PLCH2: variants seen among roughly 807,000 people sequenced by gnomAD.
The protein encoded by PLCH2 is phospholipase C eta 2.
Under a neutral mutation model 134.7 loss-of-function variants are expected in PLCH2, and 98 were observed. The observed-to-expected ratio is 0.73, with a 90% confidence interval of 0.62 to 0.86. PLCH2 has a LOEUF of 0.86. Among genes scored for constraint, PLCH2 ranks in the 40% least tolerant of loss-of-function variants. The probability of loss-of-function intolerance (pLI) is 0.00; values close to 1 mark genes in which losing one functional copy is unlikely to be tolerated. For missense variants in PLCH2, 1,994 were observed against 1,986.6 expected (o/e 1.00, Z -0.07); for synonymous variants, 974 against 827.5 (o/e 1.18, Z -3.04).
intron 11 of PLCH2, 136 bp from the exon 12 acceptor site, chr1:2,494,720 C>T (rs930666840): frequency 4.4e-6 from 3 of 676,340 alleles, no homozygotes; most frequent in Non-Finnish European, 8.1e-6. Context: ...CCCTCCCCTC[C>T]CGTCTGCCTT....
chr1:2,423,310 C>G (rs1362702941), upstream of PLCH2, among the ~76,000 whole-genome samples: 1 of 152,164 alleles, frequency 6.6e-6, no homozygotes, highest in African/African-American at 2.4e-5. Flanking sequence ...GCCTCAGCTT[C>G]CTGAGTAGCT....
chr1:2,485,792 C>T (rs1204887067), intron 5 of PLCH2, among the ~76,000 whole-genome samples: 1 of 152,160 alleles, frequency 6.6e-6, no homozygotes, highest in Admixed American at 6.5e-5. Flanking sequence ...TTGGGAATCC[C>T]AGGTAGGGTC....
At chr1:2,434,669 C>A (rs1191647542) in intron 2 of PLCH2, among the ~76,000 whole-genome samples, 1 of 152,222 alleles carries the variant, frequency 6.6e-6, no homozygotes, top group Admixed American at 6.5e-5. Context: ...ACCCCCTTCC[C>A]CCCACAGCCA....
chr1:2,505,266 GTGT>G lies in PLCH2; in HGVS notation c.*58_*60del. On this transcript the variant is annotated 3_prime_UTR_variant, in exon 22 of 22. Coordinates refer to ENST00000378486, the MANE Select transcript of PLCH2 (RefSeq NM_014638.4). ...CTGGAGGCCCAGGGCAGGGGTGGGC[GTGT>G]TGTTTGCTCAGGAAACAGGGCAGCC... 2.9e-6 allele frequency: 4 copies of G among 1,403,360 alleles called. No individual in the cohort carries two copies. Among genetic ancestry groups the G allele is most frequent in the Non-Finnish European group, 3.9e-6 (4 of 1,037,942 alleles). 86.9% of individuals were successfully genotyped at this position (1,403,360 alleles called of 1,614,324 possible).
At chr1:2,487,105 G>C (rs2100681710) in intron 6 of PLCH2, 68 bp from the exon 7 acceptor site, 1 of 1,502,146 alleles carries the variant, frequency 6.7e-7, no homozygotes, top group Non-Finnish European at 9.0e-7. Context: ...GTGTGGCATG[G>C]GGGCAGGTGG....
intron 21 of PLCH2, 26 bp from the exon 22 acceptor site, chr1:2,503,892 GCTCT>G (rs771743568): frequency 6.5e-5 from 46 of 703,638 alleles, no homozygotes; most frequent in African/African-American, 5.1e-4. Context: ...TCTCCCTCTG[GCTCT>G]CTCTCACTCC....
intron 20 of PLCH2, 167 bp downstream of exon 20, chr1:2,499,887 G>A: frequency 3.1e-6 from 2 of 640,714 alleles, no homozygotes; most frequent in Non-Finnish European, 5.6e-6. Flanking sequence ...CTGCTGTGGG[G>A]GCCTGGCTCC....
intron 2 of PLCH2, among the ~76,000 whole-genome samples, chr1:2,441,671 G>A (rs1639698671): frequency 6.6e-6 from 1 of 152,186 alleles, no homozygotes; most frequent in African/African-American, 2.4e-5. Context: ...CAGAGAAGCT[G>A]CAGGAGCCAG....
At position 2,494,907 on chromosome 1, in the gene PLCH2, C is replaced by T. The variant is rs567604431; in HGVS notation, c.1711C>T (p.Arg571Cys). 483 of 1,604,856 alleles carry T rather than the reference C, an allele frequency of 3.0e-4. 4 individuals carry two copies. In the South Asian group the frequency reaches 4.7e-3, roughly 16 times the overall value. Residue 571 changes from arginine (R) to cysteine (C), a missense_variant, in exon 12 of 22, where the codon CGC (arginine) becomes TGC (cysteine). Physicochemically the swap from Arg to Cys is radical, Grantham distance 180. This residue lies in a region of PLCH2 where 1,094 missense variants were observed against 1,234.3 expected (regional missense o/e 0.89). Coordinates refer to ENST00000378486, the MANE Select transcript of PLCH2 (RefSeq NM_014638.4). ...TGGGGAGGATGCCGGGGCCAGCAGA[C>T]GCAATGGCCGCCTCGTCGTGGGAAG... ...ESGEDAGASR[R>C]NGRLVVGSFS... is the part of the protein sequence containing the mutation.
At position 2,439,741 on chromosome 1, in the gene PLCH2, C is replaced by G. The variant is rs1006598278; in HGVS notation, c.115+9112C>G. Among the ~76,000 whole-genome samples, 4 of 152,150 alleles carry G rather than the reference C, an allele frequency of 2.6e-5. No homozygotes were observed. Among genetic ancestry groups the G allele is most frequent in the African/African-American group, 9.7e-5 (4 of 41,430 alleles). On this transcript the variant is annotated intron_variant, in intron 2 of 3. Coordinates refer to the PLCH2 transcript ENST00000609981. This position sits in a 1 kb window ranked among gnomAD's most constrained non-coding sequence, Gnocchi z 4.7. Reference sequence around the variant, plus strand: ...GACACTGCCACCCTCGGGGGAGAGTCCCGGGGTCCGTGGGGAGAGCCCGTC... The same window carrying G: ...GACACTGCCACCCTCGGGGGAGAGTGCCGGGGTCCGTGGGGAGAGCCCGTC...
intron 4 of PLCH2, 118 bp from the exon 5 acceptor site, chr1:2,484,330 T>G (rs1642177192): frequency 4.3e-6 from 4 of 931,232 alleles, no homozygotes; most frequent in East Asian, 2.7e-5. Context: ...GGCAGTGGAG[T>G]AGAGGAGGGT....
rs759702048 is a variant in PLCH2 at position 2,478,504 on chromosome 1, G to A, written c.153G>A (p.Glu51=). The A allele has an allele frequency of 6.2e-7, 1 of 1,612,942 alleles. No homozygotes were observed. Among genetic ancestry groups the A allele is most frequent in the South Asian group, 1.1e-5 (1 of 91,092 alleles). The change falls in exon 2 of 22, where the codon GAG becomes GAA. Residue 51 remains glutamate (E), a synonymous_variant. Transcript: ENST00000378486. Reference sequence around the variant, plus strand: ...AGCGGTGCATGGGTGCCATGCAAGAGGGGATGCAGATGGTGAAGCTGCGTG... The same window carrying A: ...AGCGGTGCATGGGTGCCATGCAAGAAGGGATGCAGATGGTGAAGCTGCGTG... ...LVERCMGAMQ[E]GMQMVKLRGG...
At chr1:2,433,755 C>T (rs556290458) in intron 2 of PLCH2, among the ~76,000 whole-genome samples, 1 of 152,330 alleles carries the variant, frequency 6.6e-6, no homozygotes, top group Admixed American at 6.5e-5. Context: ...ATCAGACCAG[C>T]CATTGCCATC....
chr1:2,469,865 C>T (rs939719740), intron 1 of PLCH2, among the ~76,000 whole-genome samples: 15 of 152,202 alleles, frequency 9.9e-5, no homozygotes, highest in Admixed American at 2.0e-4. Context: ...AGTCACTCAC[C>T]GTGGTGGCCG....
chr1:2,451,553 C>T (rs988673115), intron 2 of PLCH2, among the ~76,000 whole-genome samples: 2 of 152,172 alleles, frequency 1.3e-5, no homozygotes, highest in African/African-American at 2.4e-5. Flanking sequence ...GCCAGAGAGC[C>T]GCGACCCACC....
upstream of PLCH2, among the ~76,000 whole-genome samples, chr1:2,463,357 G>C (rs1234315506): frequency 1.3e-5 from 2 of 152,252 alleles, no homozygotes; most frequent in Non-Finnish European, 2.9e-5. Flanking sequence ...TGGAGGAGCA[G>C]AATCAGGGAC....
chr1:2,497,839 A>G, intron 16 of PLCH2: 1 of 499,058 alleles, frequency 2.0e-6, no homozygotes, highest in Non-Finnish European at 3.6e-6. Flanking sequence ...TCAGGAATCC[A>G]GGGATGGAGA....
intron 1 of PLCH2, among the ~76,000 whole-genome samples, chr1:2,471,285 C>T (rs1209835783): frequency 6.6e-6 from 1 of 152,192 alleles, no homozygotes. Context: ...GATGTTGGGG[C>T]CCCCTTGGCC....
rs1260949340 is a variant in PLCH2, at chr1:2,498,960, T to G, written c.2435-124T>G. ...AGTCCTGGGCGCCCTCCCCTCTAGG[T>G]GGGCAGTCCCGGAAGCAGCACCGGG... On this transcript the variant is annotated intron_variant, in intron 18 of 21. Transcript: ENST00000378486. This position sits in a 1 kb window ranked among gnomAD's most constrained non-coding sequence, Gnocchi z 5.4. The G allele has an allele frequency of 7.2e-7, 1 of 1,391,732 alleles. No homozygotes were observed. Among genetic ancestry groups the G allele is most frequent in the African/African-American group, 1.4e-5 (1 of 70,018 alleles). The allele number at this position is 1,391,732 out of a possible 1,614,324, so 86.2% of individuals were successfully genotyped here.
Sources: gnomAD v4.1 joint callset for allele counts (sites outside exome capture counted in the v4.1 genomes callset) on GRCh38, gnomAD v4.1.1 for gene constraint, gnomAD v4.1.1 regional missense constraint, Gnocchi (gnomAD v3.1) non-coding constraint, MANE v1.5 for transcripts, NCBI Gene and HGNC (gene_info 2026-07-23, HGNC 2026-07-21) for gene names.